NSUN4: variants seen among roughly 807,000 people sequenced by gnomAD.
The protein encoded by NSUN4 is NOP2/Sun RNA methyltransferase 4, also known as 5-cytosine rRNA methyltransferase NSUN4.
A neutral mutation model predicts 43.8 loss-of-function variants in NSUN4; 31 were observed. The ratio of observed to expected loss-of-function variants is 0.71; its 90% confidence interval spans 0.53 to 0.96. The LOEUF is 0.96. Among genes scored for constraint, NSUN4 ranks in the 40% least tolerant of loss-of-function variants. The pLI is 0.00. For synonymous variants in NSUN4, 167 were observed against 184.1 expected (o/e 0.91, Z 0.75); for missense variants, 439 against 475.6 (o/e 0.92, Z 0.72).
intron 4 of NSUN4, among the ~76,000 whole-genome samples, chr1:46,356,441 C>T (rs1162577460): frequency 6.6e-6 from 1 of 152,130 alleles, no homozygotes; most frequent in Non-Finnish European, 1.5e-5. Flanking sequence ...GCCTGTATTC[C>T]CAGCACTTTG....
Position 46,350,268 on chromosome 1 carries a change from C to T in NSUN4, c.593-2600C>T, listed in dbSNP as rs138692902. Among the ~76,000 whole-genome samples the T allele has an allele frequency of 2.2e-3, 340 of 152,240 alleles. 1 individual carries two copies. The highest frequency in any genetic ancestry group is 7.7e-3 in the African/African-American group (321 of 41,548). On this transcript the variant is annotated intron_variant, in intron 3 of 5. Coordinates refer to ENST00000474844, the MANE Select transcript of NSUN4 (RefSeq NM_199044.4). ...ACATTGGCCGGGGGGCGGTGACTCA[C>T]GCCTGTAATCCCAGCACAAGCTAGG...
chr1:46,366,865 G>C (rs909191945), downstream of NSUN4, among the ~76,000 whole-genome samples: 2 of 152,066 alleles, frequency 1.3e-5, no homozygotes, highest in Non-Finnish European at 2.9e-5. Context: ...CTTGTGATTT[G>C]CAACAGTTGA....
the NSUN4 span, among the ~76,000 whole-genome samples, chr1:46,376,605 T>A: frequency 1.3e-5 from 2 of 152,210 alleles, no homozygotes; most frequent in African/African-American, 4.8e-5. Context: ...AACAAGCAAG[T>A]TAATAAATTA....
rs1345208408 is a variant in NSUN4 at position 46,347,085 on chromosome 1, G to T, written c.592+10G>T. The T allele has an allele frequency of 6.2e-7, 1 of 1,612,596 alleles. No homozygotes were observed. The highest frequency in any genetic ancestry group is 8.5e-7 in the Non-Finnish European group (1 of 1,179,298). ...CAGACTGGCTGTTGCCGTAAGTCAG[G>T]GTGCTGGTGTGTTGGGCAGAGAGAG... On this transcript the variant is annotated intron_variant, in intron 3 of 5. Transcript: ENST00000474844.
the NSUN4 span, chr1:46,370,831 T>C: frequency 1.3e-5 from 2 of 152,534 alleles, no homozygotes; most frequent in East Asian, 1.9e-4. Context: ...TAGAGAACCA[T>C]ATAGACTAAT....
intron 4 of NSUN4, 86 bp downstream of exon 4, chr1:46,353,114 C>T (rs1663124494): frequency 1.5e-6 from 2 of 1,291,996 alleles, no homozygotes; most frequent in African/African-American, 2.9e-5. Context: ...TAGGATCCAG[C>T]CCCTATGTTT....
At chr1:46,377,238 C>T in the NSUN4 span, among the ~76,000 whole-genome samples, 1 of 151,372 alleles carries the variant, frequency 6.6e-6, no homozygotes, top group Non-Finnish European at 1.5e-5. Context: ...TTAGTAGAGA[C>T]GGGGTTTCAC....
chr1:46,354,291 G>T (rs929981475), intron 4 of NSUN4, among the ~76,000 whole-genome samples: 1 of 151,962 alleles, frequency 6.6e-6, no homozygotes, highest in African/African-American at 2.4e-5. Flanking sequence ...TAGAGACGGG[G>T]TCTCACTATG....
At position 46,352,866 on chromosome 1, in the gene NSUN4, AG is replaced by A; in HGVS notation, c.593del. On this transcript the variant is annotated splice_acceptor_variant, in intron 3 of 5. Transcript: ENST00000474844. LOFTEE classifies it high-confidence loss of function. ...GCCTCTGAAGTATCTTTATTTCCAT[AG>A]GCAATCTTGCTGCCAATGATCTCTC... is the stretch of plus-strand genomic sequence containing the variant. 2 of 1,613,842 alleles carry A rather than the reference AG, an allele frequency of 1.2e-6. No individual in the cohort carries two copies. The highest frequency in any genetic ancestry group is 1.7e-6 in the Non-Finnish European group (2 of 1,179,790).
rs2148427091 is a variant in NSUN4, at chr1:46,364,718, C to T, written c.*2872C>T. The T allele has an allele frequency of 6.6e-6, 1 of 152,304 alleles. No individual in the cohort carries two copies. Among genetic ancestry groups the T allele is most frequent in the South Asian group, 2.1e-4 (1 of 4,822 alleles). The allele number at this position is 152,304 out of a possible 1,614,324, so 9.4% of individuals were successfully genotyped here. On this transcript the variant is annotated 3_prime_UTR_variant, in exon 6 of 6. Coordinates refer to ENST00000474844, the MANE Select transcript of NSUN4 (RefSeq NM_199044.4). ...ATAAAGTCTGAAGCTCCACTGGTCA[C>T]TCCTTTTATTGATTATTTGCAGCTG...
the NSUN4 span, among the ~76,000 whole-genome samples, chr1:46,372,061 C>G: frequency 1.3e-5 from 2 of 151,750 alleles, no homozygotes; most frequent in African/African-American, 4.8e-5. Flanking sequence ...CTTGATAATC[C>G]CTTCTCTCTG....
At chr1:46,349,170 T>C (rs1301668497) in intron 3 of NSUN4, among the ~76,000 whole-genome samples, 1 of 148,256 alleles carries the variant, frequency 6.7e-6, no homozygotes, top group Non-Finnish European at 1.5e-5. Context: ...GACGGAGTCT[T>C]GTTCTGTCAC....
intron 1 of NSUN4, chr1:46,342,580 C>A: frequency 2.5e-6 from 1 of 399,512 alleles, no homozygotes; most frequent in East Asian, 3.6e-5. Context: ...ATCCTAACCC[C>A]GGACACCACA....
chr1:46,341,779 G>C, intron 1 of NSUN4: 2 of 1,232,252 alleles, frequency 1.6e-6, no homozygotes, highest in Non-Finnish European at 2.0e-6. Context: ...GAGCAGTTCA[G>C]CATTCCGGGG....
chr1:46,355,736 C>T (rs555766709), intron 4 of NSUN4, among the ~76,000 whole-genome samples: 8 of 152,192 alleles, frequency 5.3e-5, no homozygotes, highest in East Asian at 1.9e-4. Flanking sequence ...TAGTTGTGGC[C>T]GGGCACGGTG....
At chr1:46,354,287 C>T (rs1359965420) in intron 4 of NSUN4, among the ~76,000 whole-genome samples, 2 of 151,902 alleles carry the variant, frequency 1.3e-5, no homozygotes, top group African/African-American at 2.4e-5. Flanking sequence ...TTTGTAGAGA[C>T]GGGGTCTCAC....
chr1:46,359,577 G>A (rs575433293), intron 4 of NSUN4, among the ~76,000 whole-genome samples: 4 of 140,202 alleles, frequency 2.9e-5, no homozygotes, highest in Admixed American at 2.2e-4. Flanking sequence ...TTGAGATGGC[G>A]TCTTGCTCTG....
intron 3 of NSUN4, among the ~76,000 whole-genome samples, chr1:46,350,792 C>T (rs1316801130): frequency 2.0e-5 from 3 of 152,256 alleles, no homozygotes; most frequent in South Asian, 2.1e-4. Context: ...CCTTTTGCAA[C>T]GTATTTTGTT....
In NSUN4 at chr1:46,361,816, G is replaced by A. The variant is rs1663900685; in HGVS notation, c.1125G>A (p.Met375Ile). The A allele has an allele frequency of 2.5e-6, 4 of 1,614,170 alleles. No homozygotes were observed. The highest frequency in any genetic ancestry group is 3.4e-6 in the Non-Finnish European group (4 of 1,180,024). The change falls in exon 6 of 6, where the codon ATG becomes ATA. Residue 375 changes from methionine (M) to isoleucine (I), a missense_variant. Physicochemically the swap from Met to Ile is conservative, Grantham distance 10. Transcript: ENST00000474844. The part of the protein sequence containing the change: ...IPNLMANFGP[M>I]YFCKMRRLT ...ACCTCATGGCCAATTTTGGCCCCAT[G>A]TACTTCTGCAAAATGCGTAGGCTGA... is the stretch of plus-strand genomic sequence containing the variant.
Sources: allele counts gnomAD v4.1 joint callset (sites outside exome capture counted in the v4.1 genomes callset), GRCh38; gene constraint gnomAD v4.1.1; transcripts MANE v1.5; gene names NCBI Gene and HGNC (gene_info 2026-07-23, HGNC 2026-07-21).